The following NCK1 variants were observed in gnomAD, a reference collection of about 807,000 sequenced individuals.
NCK1 encodes the protein NCK adaptor protein 1, also known as SH2/SH3 adapter protein NCK1.
Under a neutral mutation model 36.6 loss-of-function variants are expected in NCK1, and 19 were observed. The ratio of observed to expected loss-of-function variants is 0.52; its 90% CI spans 0.36 to 0.76. The LOEUF is 0.76. NCK1 is among the 30% of genes least tolerant of loss of function. The pLI is 0.00. For synonymous variants in NCK1, 165 were observed against 156.0 expected (o/e 1.06, Z -0.43); for missense variants, 358 against 445.6 (o/e 0.80, Z 1.77).
At chr3:136,864,594 GGAGGCCAAGGC>G (rs2108058951) in intron 1 of NCK1, among the ~76,000 whole-genome samples, 1 of 152,244 alleles carries the variant, frequency 6.6e-6, no homozygotes, top group African/African-American at 2.4e-5. Context: ...CCAGCACTTG[GGAGGCCAAGGC>G]GGGAGGATAG....
chr3:136,937,800 A>AT (rs1940571307), intron 2 of NCK1, among the ~76,000 whole-genome samples: 2 of 151,812 alleles, frequency 1.3e-5, no homozygotes, highest in South Asian at 2.1e-4. Flanking sequence ...GCTTTGCTGA[A>AT]TTTTTTTATT....
At chr3:136,899,889 T>A (rs1048229077) in intron 1 of NCK1, 24 of 1,090,392 alleles carry the variant, frequency 2.2e-5, no homozygotes, top group African/African-American at 3.1e-5. Context: ...AGGGGTTTTC[T>A]CTTCTAGTGG....
intron 1 of NCK1, among the ~76,000 whole-genome samples, chr3:136,871,545 GA>G (rs1367491889): frequency 6.6e-6 from 1 of 152,086 alleles, no homozygotes; most frequent in Non-Finnish European, 1.5e-5. Context: ...TTTAGTGTTC[GA>G]AAAGGCTCTC....
chr3:136,899,049 A>T (rs1939466379), intron 1 of NCK1: 2 of 175,344 alleles, frequency 1.1e-5, no homozygotes, highest in African/African-American at 4.7e-5. Flanking sequence ...TCAGCCAAAC[A>T]TTTCTCTGGT....
chr3:136,919,001 C>T (rs1238498064), intron 1 of NCK1, among the ~76,000 whole-genome samples: 1 of 151,990 alleles, frequency 6.6e-6, no homozygotes, highest in East Asian at 1.9e-4. Flanking sequence ...AATGATGGTT[C>T]GTCCGTACAA....
At chr3:136,917,477 T>A (rs541247900) in intron 1 of NCK1, among the ~76,000 whole-genome samples, 1 of 152,314 alleles carries the variant, frequency 6.6e-6, no homozygotes, top group East Asian at 1.9e-4. Context: ...CCTTTGGGGG[T>A]TTTTCTCCAG....
intron 1 of NCK1, among the ~76,000 whole-genome samples, chr3:136,895,634 G>A (rs924153821): frequency 9.9e-5 from 15 of 151,944 alleles, no homozygotes; most frequent in African/African-American, 3.1e-4. Flanking sequence ...GCACAATCTC[G>A]GCTCACTGCA....
intron 1 of NCK1, among the ~76,000 whole-genome samples, chr3:136,926,580 TTTTG>T (rs1319824078): frequency 6.6e-6 from 1 of 152,090 alleles, no homozygotes; most frequent in East Asian, 1.9e-4. Context: ...CGGCCACTCT[TTTTG>T]TTTTTTAATG....
intron 1 of NCK1, among the ~76,000 whole-genome samples, chr3:136,926,616 C>A (rs1215714068): frequency 2.0e-5 from 3 of 152,100 alleles, no homozygotes; most frequent in Non-Finnish European, 4.4e-5. Flanking sequence ...AACTAAAAAT[C>A]TGTCTATATA....
chr3:136,926,369 G>T lies in NCK1; in HGVS notation c.-18-1615G>T, dbSNP rs186647834. Among the ~76,000 whole-genome samples the T allele has an allele frequency of 3.5e-3, 528 of 152,090 alleles. 7 individuals are homozygous for T. Among genetic ancestry groups the T allele is most frequent in the African/African-American group, 0.012 (505 of 41,496 alleles). On this transcript the variant is annotated intron_variant, in intron 1 of 3. Transcript: ENST00000481752. Reference sequence around the variant, plus strand: ...GGCTCACTGCAAGCCCCGCCTCCCGGGTTCAAGCCATTCTCCTGCCTCAGC... The same window carrying T: ...GGCTCACTGCAAGCCCCGCCTCCCGTGTTCAAGCCATTCTCCTGCCTCAGC...
At chr3:136,901,355 TTTTC>T (rs1470053817) in intron 1 of NCK1, among the ~76,000 whole-genome samples, 11 of 150,722 alleles carry the variant, frequency 7.3e-5, no homozygotes, top group African/African-American at 2.7e-4. Context: ...TGGCCTGTAG[TTTTC>T]TTTCTTTTTT....
chr3:136,916,584 A>T (rs1939969595), intron 1 of NCK1, among the ~76,000 whole-genome samples: 1 of 152,166 alleles, frequency 6.6e-6, no homozygotes, highest in South Asian at 2.1e-4. Flanking sequence ...CTTATTAATA[A>T]TGTAAAGCAT....
At chr3:136,935,042 C>T (rs920901647) in intron 2 of NCK1, among the ~76,000 whole-genome samples, 2 of 152,140 alleles carry the variant, frequency 1.3e-5, no homozygotes, top group African/African-American at 4.8e-5. Flanking sequence ...GCTGGAATTA[C>T]AGGTGTGCGC....
intron 1 of NCK1, among the ~76,000 whole-genome samples, chr3:136,862,969 TG>T: frequency 6.6e-6 from 1 of 151,938 alleles, no homozygotes; most frequent in Non-Finnish European, 1.5e-5. Flanking sequence ...TGACTTGAGT[TG>T]TAATATGTTT....
intron 1 of NCK1, among the ~76,000 whole-genome samples, chr3:136,867,088 CTT>C (rs1319528978): frequency 3.7e-5 from 1 of 26,728 alleles, no homozygotes; most frequent in Non-Finnish European, 8.5e-5. Flanking sequence ...TTCTTTCTTT[CTT>C]TCTTTCTTTC....
intron 2 of NCK1, among the ~76,000 whole-genome samples, chr3:136,944,445 A>T (rs1940759630): frequency 6.6e-6 from 1 of 152,168 alleles, no homozygotes; most frequent in Non-Finnish European, 1.5e-5. Flanking sequence ...AAAGAGTGGT[A>T]TAGTTTATTC....
rs987945692 is a variant in NCK1, at chr3:136,949,042, A to G, written c.*589A>G. The G allele has an allele frequency of 6.6e-6, 1 of 152,466 alleles. No homozygotes were observed. Among genetic ancestry groups the G allele is most frequent in the African/African-American group, 2.4e-5 (1 of 41,436 alleles). The allele number at this position is 152,466 out of a possible 1,614,324, so 9.4% of individuals were successfully genotyped here. On this transcript the variant is annotated 3_prime_UTR_variant, in exon 4 of 4. Transcript: ENST00000481752. The stretch of plus-strand genomic sequence containing the variant: ...ATTCATTGTCTTCAGTCATACAGCA[A>G]GACACATGAGACATAGATTAGAAAA...
rs759209647 is a variant in NCK1, at chr3:136,948,287, C to G, written c.968C>G (p.Ala323Gly). The change falls in exon 4 of 4, where the codon GCA (alanine) becomes GGA (glycine). Residue 323 changes from alanine (A) to glycine (G), a missense_variant. By Grantham distance (60) the Ala-to-Gly change is moderately conservative. This residue lies in a region of NCK1 where 207 missense variants were observed against 253.4 expected (regional missense o/e 0.82). Coordinates refer to ENST00000481752, the MANE Select transcript of NCK1 (RefSeq NM_001291999.2). ...SPNDFSVSLKAQGKNKHFKVQ... is the reference protein window; with the variant it reads ...SPNDFSVSLKGQGKNKHFKVQ... The stretch of plus-strand genomic sequence containing the variant: ...AATGATTTCTCAGTATCACTAAAAG[C>G]ACAAGGGAAAAACAAGCATTTTAAA... 9 of 1,603,460 alleles carry G rather than the reference C, an allele frequency of 5.6e-6. No individual in the cohort carries two copies. Among genetic ancestry groups the G allele is most frequent in the South Asian group, 4.5e-5 (4 of 88,536 alleles).
intron 1 of NCK1, among the ~76,000 whole-genome samples, chr3:136,903,357 T>G (rs1939596833): frequency 6.6e-6 from 1 of 152,204 alleles, no homozygotes; most frequent in South Asian, 2.1e-4. Context: ...GAGATGAGTT[T>G]ATTGTAGGTA....
Sources: gnomAD v4.1 joint callset for allele counts (sites outside exome capture counted in the v4.1 genomes callset) on GRCh38, gnomAD v4.1.1 for gene constraint, gnomAD v4.1.1 regional missense constraint, MANE v1.5 for transcripts, NCBI Gene and HGNC (gene_info 2026-07-23, HGNC 2026-07-21) for gene names.